Variants in CDH22 observed in about 807,000 individuals in gnomAD.
CDH22 encodes the protein cadherin 22.
A neutral mutation model predicts 58.4 loss-of-function variants in CDH22; 30 were observed. That is an observed-to-expected ratio of 0.51 (90% confidence interval 0.38 to 0.70). The LOEUF is 0.70. Ranked by LOEUF, CDH22 falls within the 30% of genes least tolerant of loss-of-function variation. The pLI is 0.00. For synonymous variants in CDH22, 513 were observed against 558.2 expected (o/e 0.92, Z 1.14); for missense variants, 1,014 against 1,233.9 (o/e 0.82, Z 2.67).
intron 1 of CDH22, among the ~76,000 whole-genome samples, chr20:46,286,848 C>T (rs2086579069): frequency 2.0e-5 from 3 of 152,274 alleles, no homozygotes; most frequent in East Asian, 3.9e-4. Flanking sequence ...TGGCCCAGAC[C>T]CAATTCCAGA....
At chr20:46,188,731 G>T (rs185031707) in intron 8 of CDH22, among the ~76,000 whole-genome samples, 170 of 152,266 alleles carry the variant, frequency 1.1e-3, no homozygotes, top group Non-Finnish European at 1.8e-3. Flanking sequence ...CCTGAATGTT[G>T]GTGCTTTCTA....
At chr20:46,236,700 G>C (rs1337942161) in intron 3 of CDH22, among the ~76,000 whole-genome samples, 2 of 148,668 alleles carry the variant, frequency 1.3e-5, no homozygotes, top group Non-Finnish European at 3.0e-5. Flanking sequence ...CATAGAGAGA[G>C]AGAGAGAGAG....
chr20:46,295,145 G>A (rs542264767), intron 1 of CDH22, among the ~76,000 whole-genome samples: 4 of 152,368 alleles, frequency 2.6e-5, no homozygotes, highest in East Asian at 3.9e-4. Context: ...AGCCCTGGAT[G>A]TCTTTCCCTG....
chr20:46,227,763 A>G, intron 3 of CDH22, 136 bp from the exon 4 acceptor site: 1 of 1,281,400 alleles, frequency 7.8e-7, no homozygotes, highest in Admixed American at 2.3e-5. Flanking sequence ...ACAGCCCCTC[A>G]CGGTCCCCAT....
Position 46,259,269 on chromosome 20 carries a change from A to G in CDH22, c.-399-7576T>C, listed in dbSNP as rs1007385196. 5.9e-5 allele frequency among the ~76,000 whole-genome samples: 9 copies of G among 152,342 alleles called. No homozygotes were observed. In the South Asian group the frequency reaches 1.4e-3, roughly 25 times the overall value. On this transcript the variant is annotated intron_variant, in intron 1 of 11. Coordinates refer to ENST00000537909, the MANE Select transcript of CDH22 (RefSeq NM_021248.3). ...ATTTACAGTGCACCTCACATGTACC[A>G]TTTTCTCATTTATCCATTCAATGAA... is the stretch of plus-strand genomic sequence containing the variant.
At chr20:46,211,863 A>G (rs918395665) in intron 6 of CDH22, among the ~76,000 whole-genome samples, 13 of 151,966 alleles carry the variant, frequency 8.6e-5, no homozygotes, top group Non-Finnish European at 1.0e-4. Context: ...TACTAGATGC[A>G]TGGCCTTGGG....
At position 46,174,020 on chromosome 20, in the gene CDH22, A is replaced by G. The variant is rs1184201417; in HGVS notation, c.*486T>C. On this transcript the variant is annotated 3_prime_UTR_variant, in exon 12 of 12. Transcript: ENST00000537909. The surrounding 1 kb of genome is among the most constrained non-coding windows in gnomAD (Gnocchi z 4.4). ...CCTTTCCCCTTCTATTCCGTGCAGG[A>G]CACCACCTCATGGTTTCTCTGACGA... 6.2e-6 allele frequency: 1 copy of G among 160,492 alleles called. No homozygotes were observed. Among genetic ancestry groups the G allele is most frequent in the Non-Finnish European group, 1.3e-5 (1 of 74,144 alleles). 9.9% of individuals were successfully genotyped at this position (160,492 alleles called of 1,614,324 possible).
At chr20:46,305,795 G>A (rs778089337) in intron 1 of CDH22, among the ~76,000 whole-genome samples, 1 of 152,218 alleles carries the variant, frequency 6.6e-6, no homozygotes. Context: ...TTGCCAACTC[G>A]GGAGGAGACG....
chr20:46,267,804 G>A (rs113168592), intron 1 of CDH22, among the ~76,000 whole-genome samples: 16 of 152,384 alleles, frequency 1.0e-4, no homozygotes, highest in African/African-American at 3.6e-4. Context: ...AAAACTCCTG[G>A]TGAGGGAAGG....
chr20:46,307,457 G>C (rs2059028869), intron 1 of CDH22, among the ~76,000 whole-genome samples: 1 of 152,218 alleles, frequency 6.6e-6, no homozygotes. Flanking sequence ...CCTAAGTGGC[G>C]CTCTCTTTGG....
At chr20:46,280,778 G>A (rs1422874308) in intron 1 of CDH22, among the ~76,000 whole-genome samples, 2 of 152,166 alleles carry the variant, frequency 1.3e-5, no homozygotes, top group African/African-American at 2.4e-5. Flanking sequence ...AGGTTGCTGC[G>A]GGCAAAATGT....
Position 46,249,398 on chromosome 20 carries a change from C to T in CDH22, c.255+1642G>A, listed in dbSNP as rs1424119120. On this transcript the variant is annotated intron_variant, in intron 2 of 11. Coordinates refer to ENST00000537909, the MANE Select transcript of CDH22 (RefSeq NM_021248.3). ...GATGATCTTGAGCAAGGCCTTGAAC[C>T]TATCTGAGCCCTGTCTGTCAAATCC... 2.6e-5 allele frequency among the ~76,000 whole-genome samples: 4 copies of T among 152,326 alleles called. No individual in the cohort carries two copies. The East Asian group carries it at 5.8e-4, about 22-fold the overall frequency.
At chr20:46,293,565 T>G (rs1267290240) in intron 1 of CDH22, among the ~76,000 whole-genome samples, 1 of 152,192 alleles carries the variant, frequency 6.6e-6, no homozygotes, top group Non-Finnish European at 1.5e-5. Context: ...CCACTCTTCC[T>G]CTGAGCCACA....
intron 1 of CDH22, among the ~76,000 whole-genome samples, chr20:46,274,825 T>A (rs1239504039): frequency 1.2e-5 from 1 of 82,516 alleles, no homozygotes; most frequent in Non-Finnish European, 2.7e-5. Context: ...ATGAGCCAGA[T>A]GCAAAAAAAA....
intron 10 of CDH22, among the ~76,000 whole-genome samples, chr20:46,178,586 C>CTTTTTTTTTTTTTT (rs33937889): frequency 1.5e-4 from 14 of 95,376 alleles, no homozygotes; most frequent in South Asian, 3.9e-4. Flanking sequence ...CTGGCGTTGT[C>CTTTTTTTTTTTTTT]TTTTTTTTTT....
rs1321002 is a variant in CDH22, at chr20:46,188,305, C to T, written c.1424-1358G>A. Reference sequence around the variant, plus strand: ...GAGCAGTGCTGGGTAGTTCTGATTCCAGCTCTGCTGTTTTATGTCTGTATA... The same window carrying T: ...GAGCAGTGCTGGGTAGTTCTGATTCTAGCTCTGCTGTTTTATGTCTGTATA... On this transcript the variant is annotated intron_variant, in intron 8 of 11. Coordinates refer to ENST00000537909, the MANE Select transcript of CDH22 (RefSeq NM_021248.3). 0.031 allele frequency among the ~76,000 whole-genome samples: 4,711 copies of T among 152,182 alleles called. 362 individuals carry two copies. In the East Asian group the frequency reaches 0.33, roughly 11 times the overall value.
At chr20:46,198,333 T>C (rs73908644) in intron 8 of CDH22, among the ~76,000 whole-genome samples, 1,879 of 85,716 alleles carry the variant, frequency 0.022, 31 homozygotes, top group African/African-American at 0.055. Flanking sequence ...CACACACACA[T>C]ATTCTTCCAG....
At chr20:46,220,937 C>G (rs575757523) in intron 4 of CDH22, 3 of 153,086 alleles carry the variant, frequency 2.0e-5, no homozygotes, top group African/African-American at 7.2e-5. Context: ...TCATTCCCTC[C>G]CACACTGACT....
intron 4 of CDH22, chr20:46,219,799 T>G (rs1250348422): frequency 2.0e-5 from 3 of 152,262 alleles, no homozygotes; most frequent in African/African-American, 7.2e-5. Flanking sequence ...TGATTATACC[T>G]GTTTTATAGA....
Sources: allele counts gnomAD v4.1 joint callset (sites outside exome capture counted in the v4.1 genomes callset), GRCh38; gene constraint gnomAD v4.1.1; non-coding constraint Gnocchi (gnomAD v3.1); transcripts MANE v1.5; gene names NCBI Gene and HGNC (gene_info 2026-07-23, HGNC 2026-07-21).